ERVH48-1: variants seen among roughly 807,000 people sequenced by gnomAD.
ERVH48-1 encodes suppressyn.
Under a neutral mutation model 2.4 loss-of-function variants are expected in ERVH48-1, and 4 were observed. That is an observed-to-expected ratio of 1.68 (90% CI 0.83 to 3.84). The LOEUF (loss-of-function observed/expected upper bound fraction) is 3.84, where lower values mean the gene tolerates loss of function less well. ERVH48-1 is among the 30% of genes most tolerant of loss of function. ERVH48-1 has a pLI of 0.01. For synonymous variants in ERVH48-1, 32 were observed against 15.5 expected, an observed-to-expected ratio of 2.06 and a Z score of -2.49; for missense variants, 97 against 43.4, an observed-to-expected ratio of 2.23 and a Z score of -3.47.
chr21:42,919,180 A>T lies in ERVH48-1; in HGVS notation c.-174T>A. The T allele has an allele frequency of 8.4e-6, 6 of 716,072 alleles. No individual in the cohort carries two copies. The highest frequency in any genetic ancestry group is 1.2e-5 in the Non-Finnish European group (6 of 512,196). 44.4% of individuals were successfully genotyped at this position (716,072 alleles called of 1,614,324 possible). On this transcript the variant is annotated 5_prime_UTR_variant, in exon 2 of 2. Transcript: ENST00000447535. ...CCTGGTGCGATGGATCCAGTTGGGG[A>T]GTCCTCGGACTCTCACTGCAGTTGG...
chr21:42,922,850 A>G (rs548185466), intron 1 of ERVH48-1, among the ~76,000 whole-genome samples: 111 of 151,952 alleles, frequency 7.3e-4, no homozygotes, highest in African/African-American at 2.6e-3. Context: ...ATCAATTCCC[A>G]CAACAGAGAC....
At chr21:42,925,304 G>C (rs976197665) in intron 1 of ERVH48-1, 42 bp downstream of exon 1, 2 of 367,026 alleles carry the variant, frequency 5.4e-6, no homozygotes, top group South Asian at 2.6e-5. Context: ...AAGAGAGGCC[G>C]TGCGGATTTT....
intron 1 of ERVH48-1, among the ~76,000 whole-genome samples, chr21:42,921,080 C>T (rs1017587180): frequency 9.2e-5 from 14 of 152,060 alleles, no homozygotes; most frequent in African/African-American, 3.4e-4. Flanking sequence ...GCAGCCCATC[C>T]GAGAACTGTG....
chr21:42,925,119 T>A (rs925261298), intron 1 of ERVH48-1, among the ~76,000 whole-genome samples: 15 of 152,266 alleles, frequency 9.9e-5, no homozygotes, highest in African/African-American at 3.6e-4. Context: ...CTAATTTTTG[T>A]ATTTTTAGTA....
rs149486517 is a variant in ERVH48-1, at chr21:42,922,177, T to G, written c.-285-2886A>C. ...TCTGTGATAGGAACTGGGTGGGGATTTTAAGGGTAATGCAGAAGGGGGTGT... is the reference window on the plus strand; with the variant it reads ...TCTGTGATAGGAACTGGGTGGGGATGTTAAGGGTAATGCAGAAGGGGGTGT... On this transcript the variant is annotated intron_variant, in intron 1 of 1. Transcript: ENST00000447535. Among the ~76,000 whole-genome samples the G allele has an allele frequency of 3.1e-3, 466 of 152,046 alleles. 6 individuals are homozygous for G. The highest frequency in any genetic ancestry group is 0.02 in the Middle Eastern group (6 of 294).
intron 1 of ERVH48-1, among the ~76,000 whole-genome samples, chr21:42,923,792 G>T (rs895603598): frequency 2.0e-5 from 3 of 152,168 alleles, no homozygotes; most frequent in African/African-American, 7.2e-5. Context: ...GTCCAGATAC[G>T]GTCCCAGTCT....
chr21:42,920,385 G>A (rs1198038629), intron 1 of ERVH48-1, among the ~76,000 whole-genome samples: 1 of 152,172 alleles, frequency 6.6e-6, no homozygotes, highest in Non-Finnish European at 1.5e-5. Context: ...TCTGGGGTTT[G>A]GTGGCCCCTG....
At chr21:42,925,023 G>A (rs2146181135) in intron 1 of ERVH48-1, among the ~76,000 whole-genome samples, 1 of 150,720 alleles carries the variant, frequency 6.6e-6, no homozygotes, top group Admixed American at 6.6e-5. Context: ...TCTGCTCACT[G>A]CAACCTCCAC....
chr21:42,917,975 G>C lies in ERVH48-1; in HGVS notation c.*549C>G, dbSNP rs951650082. ...GTACCTTGCCAGTGATAAGGTAGCT[G>C]TGAGTAAGCCTGGGTTCCCCATATC... On this transcript the variant is annotated 3_prime_UTR_variant, in exon 2 of 2. Transcript: ENST00000447535. 3 of 152,618 alleles carry C rather than the reference G, an allele frequency of 2.0e-5. No individual in the cohort carries two copies. Among genetic ancestry groups the C allele is most frequent in the Non-Finnish European group, 2.9e-5 (2 of 68,366 alleles). The allele number at this position is 152,618 out of a possible 1,614,324, so 9.5% of individuals were successfully genotyped here. A position where few individuals can be genotyped will look rare whatever the true frequency, so the allele number is the denominator to read the frequency against.
rs1330822801 is a variant in ERVH48-1 at position 42,917,640 on chromosome 21, T to G, written c.*884A>C. On this transcript the variant is annotated 3_prime_UTR_variant, in exon 2 of 2. Transcript: ENST00000447535. ...AATTGCCGCGCGCATTTGGTTTTGT[T>G]GTTGCGCGAGCATTTCTAGGGCTGA... The G allele has an allele frequency of 6.6e-6, 1 of 152,214 alleles. No individual in the cohort carries two copies. 9.4% of individuals were successfully genotyped at this position (152,214 alleles called of 1,614,324 possible). A position where few individuals can be genotyped will look rare whatever the true frequency, so the allele number is the denominator to read the frequency against.
intron 1 of ERVH48-1, among the ~76,000 whole-genome samples, chr21:42,920,317 T>C (rs1036159049): frequency 2.6e-5 from 4 of 152,190 alleles, no homozygotes; most frequent in African/African-American, 7.2e-5. Flanking sequence ...GCACGGGTTG[T>C]AGGGCCATTT....
rs1040901491 is a variant in ERVH48-1, at chr21:42,919,215, T to C, written c.-209A>G. The C allele has an allele frequency of 4.6e-6, 2 of 436,190 alleles. No individual in the cohort carries two copies. The highest frequency in any genetic ancestry group is 3.9e-5 in the Admixed American group (1 of 25,824). The allele number at this position is 436,190 out of a possible 1,614,324, so 27.0% of individuals were successfully genotyped here. A position where few individuals can be genotyped will look rare whatever the true frequency, so the allele number is the denominator to read the frequency against. On this transcript the variant is annotated 5_prime_UTR_variant, in exon 2 of 2. The change creates a new upstream start codon in the 5' untranslated region. Transcript: ENST00000447535. ...CTCTCACTGCAGTTGGTGTGCTGAG[T>C]ATCACAGTGTAGGGGCCTGTCCACT...
rs560134091 is a variant in ERVH48-1, at chr21:42,918,180, C to A, written c.*344G>T. The A allele has an allele frequency of 1.2e-5, 3 of 243,550 alleles. No homozygotes were observed. The highest frequency in any genetic ancestry group is 2.2e-4 in the East Asian group (2 of 9,288). The allele number at this position is 243,550 out of a possible 1,614,324, so 15.1% of individuals were successfully genotyped here. On this transcript the variant is annotated 3_prime_UTR_variant, in exon 2 of 2. Transcript: ENST00000447535. ...AAGGAGACCAGGCTCCAGGGGGTAA[C>A]CTTGGCCACCACTCAGCTATGGAGG...
At position 42,917,887 on chromosome 21, in the gene ERVH48-1, A is replaced by C. The variant is rs1408678839; in HGVS notation, c.*637T>G. ...CTGGTTATCATACACAGGGACTCTG[A>C]GGGTGTTGCCCGCCTGCTTCGGAAG... On this transcript the variant is annotated 3_prime_UTR_variant, in exon 2 of 2. Coordinates refer to ENST00000447535, the MANE Select transcript of ERVH48-1 (RefSeq NM_001308491.2). 6.6e-6 allele frequency: 1 copy of C among 152,262 alleles called. No individual in the cohort carries two copies. The highest frequency in any genetic ancestry group is 2.4e-5 in the African/African-American group (1 of 41,416). 9.4% of individuals were successfully genotyped at this position (152,262 alleles called of 1,614,324 possible). A position where few individuals can be genotyped will look rare whatever the true frequency, so the allele number is the denominator to read the frequency against.
chr21:42,920,132 A>G (rs764756015), intron 1 of ERVH48-1, among the ~76,000 whole-genome samples: 4 of 151,334 alleles, frequency 2.6e-5, no homozygotes, highest in Non-Finnish European at 5.9e-5. Flanking sequence ...TGTACCCGAC[A>G]TGGAAAGAGT....
intron 1 of ERVH48-1, among the ~76,000 whole-genome samples, chr21:42,920,075 CCG>C (rs1261426857): frequency 3.1e-4 from 8 of 25,944 alleles, no homozygotes; most frequent in African/African-American, 2.5e-3. Flanking sequence ...AGGTTTGTAC[CCG>C]ACGAGGACAA....
Position 42,925,485 on chromosome 21 carries a change from C to T in ERVH48-1, c.-425G>A, listed in dbSNP as rs557023426. The T allele has an allele frequency of 3.2e-4, 117 of 362,868 alleles. No individual in the cohort carries two copies. The highest frequency in any genetic ancestry group is 5.5e-4 in the Non-Finnish European group (108 of 196,088). 22.5% of individuals were successfully genotyped at this position (362,868 alleles called of 1,614,324 possible). A position where few individuals can be genotyped will look rare whatever the true frequency, so the allele number is the denominator to read the frequency against. On this transcript the variant is annotated 5_prime_UTR_variant, in exon 1 of 2. Coordinates refer to ENST00000447535, the MANE Select transcript of ERVH48-1 (RefSeq NM_001308491.2). ...ACTGGGGACGTGGACGGAAGCCCCT[C>T]GCAGGTTTCAGGGCCAGCCCCAAGG...
intron 1 of ERVH48-1, among the ~76,000 whole-genome samples, chr21:42,922,352 G>C (rs973726530): frequency 6.6e-6 from 1 of 152,026 alleles, no homozygotes; most frequent in African/African-American, 2.4e-5. Context: ...GGATGCGTTG[G>C]GTACTAGGGG....
chr21:42,923,577 T>G (rs2058813102), intron 1 of ERVH48-1, among the ~76,000 whole-genome samples: 1 of 152,128 alleles, frequency 6.6e-6, no homozygotes. Flanking sequence ...CTTGGGTGAT[T>G]TCTAAAAGTT....
Sources: gnomAD v4.1 joint callset for allele counts (sites outside exome capture counted in the v4.1 genomes callset) on GRCh38, gnomAD v4.1.1 for gene constraint, MANE v1.5 for transcripts, NCBI Gene and HGNC (gene_info 2026-07-23, HGNC 2026-07-21) for gene names.